The following PATJ variants were observed in gnomAD, a reference collection of about 807,000 sequenced individuals.
PATJ encodes PATJ crumbs cell polarity complex component, also known as inaD-like protein.
PATJ carries 190 observed loss-of-function variants against 224.9 expected under a neutral mutation model. That is an observed-to-expected ratio of 0.84 (90% CI 0.75 to 0.95). The LOEUF (loss-of-function observed/expected upper bound fraction) is 0.95, where lower values mean the gene tolerates loss of function less well. Among genes scored for constraint, PATJ ranks in the 40% least tolerant of loss-of-function variants. The pLI is 0.00. For missense variants in PATJ, 2,121 were observed against 2,270.3 expected, an observed-to-expected ratio of 0.93 and a Z score of 1.34; for synonymous variants, 769 against 820.3, an observed-to-expected ratio of 0.94 and a Z score of 1.07.
chr1:61,923,561 A>C (rs1482714637), intron 26 of PATJ, among the ~76,000 whole-genome samples: 2 of 152,108 alleles, frequency 1.3e-5, no homozygotes, highest in African/African-American at 4.8e-5. Context: ...TGACAATACA[A>C]ATCACCCGAA....
intron 38 of PATJ, among the ~76,000 whole-genome samples, chr1:62,122,346 C>CA (rs1665161421): frequency 7.6e-6 from 1 of 130,898 alleles, no homozygotes; most frequent in Non-Finnish European, 1.5e-5. Context: ...GCCTGGGCGA[C>CA]AGAGTGAGAC....
intron 31 of PATJ, among the ~76,000 whole-genome samples, chr1:62,078,385 C>T (rs1189880981): frequency 6.6e-6 from 1 of 152,128 alleles, no homozygotes; most frequent in Non-Finnish European, 1.5e-5. Context: ...TGGGTTCAAG[C>T]AATTCTCCTG....
intron 17 of PATJ, among the ~76,000 whole-genome samples, chr1:61,839,100 C>CT (rs933622212): frequency 1.1e-3 from 171 of 151,306 alleles, no homozygotes; most frequent in African/African-American, 3.7e-3. Flanking sequence ...GGCCCCAGGT[C>CT]TTTTTTTTTC....
intron 28 of PATJ, among the ~76,000 whole-genome samples, chr1:61,994,687 TG>T (rs1238532762): frequency 6.6e-6 from 1 of 152,186 alleles, no homozygotes; most frequent in African/African-American, 2.4e-5. Context: ...CCCAAGTAGC[TG>T]GGATTACAGG....
chr1:62,038,110 C>G, intron 30 of PATJ, 61 bp downstream of exon 30: 3 of 1,034,580 alleles, frequency 2.9e-6, no homozygotes, highest in Non-Finnish European at 4.3e-6. Flanking sequence ...GCATTTTCCC[C>G]CAATCTGACA....
At chr1:62,023,721 A>G (rs1279835977) in intron 29 of PATJ, among the ~76,000 whole-genome samples, 3 of 152,212 alleles carry the variant, frequency 2.0e-5, no homozygotes, top group Non-Finnish European at 4.4e-5. Flanking sequence ...ATACCTGGAC[A>G]TTTGCTTCTA....
At chr1:61,882,951 A>G (rs1668302385) in intron 21 of PATJ, among the ~76,000 whole-genome samples, 1 of 152,192 alleles carries the variant, frequency 6.6e-6, no homozygotes, top group African/African-American at 2.4e-5. Context: ...CCTATATATT[A>G]TACCTTATGC....
chr1:61,760,169 T>C (rs1011598444), intron 1 of PATJ, among the ~76,000 whole-genome samples: 1 of 152,230 alleles, frequency 6.6e-6, no homozygotes, highest in Admixed American at 6.5e-5. Context: ...ACAGTTGAGA[T>C]GCTGAGCACA....
rs1184557897 is a variant in PATJ at position 61,766,305 on chromosome 1, A to C, written c.216A>C (p.Ser72=). The C allele has an allele frequency of 6.2e-7, 1 of 1,610,564 alleles. No homozygotes were observed. Among genetic ancestry groups the C allele is most frequent in the African/African-American group, 1.3e-5 (1 of 74,726 alleles). Reference sequence around the variant, plus strand: ...TCAACCATATACCCTCAGATTGTTCAGCCAACTTTGATTTTTCTAGGAAAG... The same window carrying C: ...TCAACCATATACCCTCAGATTGTTCCGCCAACTTTGATTTTTCTAGGAAAG... ...GQLNHIPSDC[S]ANFDFSRKGL... is the part of the protein sequence containing the mutation. Residue 72 remains serine (S), a synonymous_variant, in exon 4 of 44, where the codon TCA becomes TCC. Coordinates refer to ENST00000642238, the MANE Select transcript of PATJ (RefSeq NM_001350145.3).
At chr1:61,835,504 A>C (rs1287511926) in intron 17 of PATJ, among the ~76,000 whole-genome samples, 6 of 152,232 alleles carry the variant, frequency 3.9e-5, no homozygotes, top group African/African-American at 1.4e-4. Flanking sequence ...CCTGGGTTCA[A>C]GTGATTCTTG....
chr1:61,761,495 C>T (rs1419163625), intron 1 of PATJ, among the ~76,000 whole-genome samples: 1 of 152,026 alleles, frequency 6.6e-6, no homozygotes, highest in Non-Finnish European at 1.5e-5. Context: ...TTTTATGTGA[C>T]ATGGGAGCCT....
At chr1:61,905,618 T>C (rs1671748308) in intron 24 of PATJ, among the ~76,000 whole-genome samples, 1 of 152,192 alleles carries the variant, frequency 6.6e-6, no homozygotes, top group African/African-American at 2.4e-5. Flanking sequence ...CACCCAAGGG[T>C]GCAATTACTG....
chr1:61,930,994 C>T (rs374630816), intron 27 of PATJ, among the ~76,000 whole-genome samples: 18 of 152,168 alleles, frequency 1.2e-4, no homozygotes, highest in Admixed American at 6.5e-5. Flanking sequence ...TGAGCCACCA[C>T]GCCCAGCCTA....
At chr1:61,942,562 T>G (rs1393099552) in intron 27 of PATJ, among the ~76,000 whole-genome samples, 3 of 151,876 alleles carry the variant, frequency 2.0e-5, no homozygotes, top group Non-Finnish European at 4.4e-5. Flanking sequence ...TCTTTTTTTT[T>G]TTTTTTAAGA....
rs761261517 is a variant in PATJ, at chr1:62,148,287, G to A, written c.5275G>A (p.Val1759Ile). Reference sequence around the variant, plus strand: ...CTTTTTTTCACTTTTTCCCCAGGTTGTAGCAGATACCAATATAAGCGCCAT... The same window carrying A: ...CTTTTTTTCACTTTTTCCCCAGGTTATAGCAGATACCAATATAAGCGCCAT... ...NAYGRIILQV[V>I]ADTNISAIAA... Residue 1759 changes from valine (V) to isoleucine (I), a missense_variant, in exon 42 of 44, where the codon GTA becomes ATA. By Grantham distance (29) the Val-to-Ile change is conservative. Transcript: ENST00000642238. 2 of 1,611,260 alleles carry A rather than the reference G, an allele frequency of 1.2e-6. No individual in the cohort carries two copies. The highest frequency in any genetic ancestry group is 2.2e-5 in the East Asian group (1 of 44,850).
chr1:61,823,930 A>G (rs1657743078), intron 15 of PATJ, among the ~76,000 whole-genome samples: 1 of 152,202 alleles, frequency 6.6e-6, no homozygotes, highest in Admixed American at 6.5e-5. Flanking sequence ...TGTCATAAGC[A>G]TGGGAGGGTA....
intron 31 of PATJ, among the ~76,000 whole-genome samples, chr1:62,076,449 T>A (rs1325984028): frequency 1.3e-5 from 2 of 152,154 alleles, no homozygotes; most frequent in African/African-American, 4.8e-5. Flanking sequence ...GCAAATCCAT[T>A]CTTTCTGATC....
At chr1:62,131,298 C>A (rs1024969741) in intron 41 of PATJ, among the ~76,000 whole-genome samples, 1 of 152,062 alleles carries the variant, frequency 6.6e-6, no homozygotes, top group Non-Finnish European at 1.5e-5. Flanking sequence ...TATGCTGACC[C>A]CTAGAGGCAG....
chr1:62,098,375 A>G (rs1661662605), intron 33 of PATJ, among the ~76,000 whole-genome samples: 1 of 151,436 alleles, frequency 6.6e-6, no homozygotes, highest in African/African-American at 2.4e-5. Context: ...AAAAAGAAAA[A>G]AGAAAAAAAA....
Sources: gnomAD v4.1 joint callset for allele counts (sites outside exome capture counted in the v4.1 genomes callset) on GRCh38, gnomAD v4.1.1 for gene constraint, MANE v1.5 for transcripts, NCBI Gene and HGNC (gene_info 2026-07-23, HGNC 2026-07-21) for gene names.